MTUS2: variants seen among roughly 807,000 people sequenced by gnomAD.
MTUS2 encodes microtubule associated scaffold protein 2.
Under a neutral mutation model 114.1 loss-of-function variants are expected in MTUS2, and 40 were observed. That is an observed-to-expected ratio of 0.35 (90% CI 0.27 to 0.46). The LOEUF (loss-of-function observed/expected upper bound fraction) is 0.46. Ranked by LOEUF, MTUS2 falls within the 20% of genes least tolerant of loss-of-function variation. The probability of loss-of-function intolerance (pLI) is 1.00; values close to 1 mark genes in which losing one functional copy is unlikely to be tolerated. For missense variants in MTUS2, 1,679 were observed against 1,705.4 expected, an observed-to-expected ratio of 0.98 and a Z score of 0.27; for synonymous variants, 688 against 672.0, an observed-to-expected ratio of 1.02 and a Z score of -0.37.
chr13:29,249,748 C>T (rs1464903375), intron 5 of MTUS2, among the ~76,000 whole-genome samples: 1 of 151,974 alleles, frequency 6.6e-6, no homozygotes, highest in African/African-American at 2.4e-5. Context: ...TCTCCCATTC[C>T]GGTAGGTTGC....
intron 8 of MTUS2, among the ~76,000 whole-genome samples, chr13:29,419,128 T>A (rs142174021): frequency 1.3e-5 from 2 of 152,338 alleles, no homozygotes; most frequent in East Asian, 3.9e-4. Context: ...GATTTCTGCC[T>A]GTATAAATTA....
At chr13:28,856,698 C>T (rs904299432) in intron 2 of MTUS2, among the ~76,000 whole-genome samples, 8 of 152,270 alleles carry the variant, frequency 5.3e-5, no homozygotes, top group East Asian at 1.9e-4. Context: ...TGTGCATTTA[C>T]GGCTGGCTAG....
intron 2 of MTUS2, among the ~76,000 whole-genome samples, chr13:28,971,140 T>C (rs550125152): frequency 6.6e-6 from 1 of 152,322 alleles, no homozygotes; most frequent in East Asian, 1.9e-4. Context: ...TTGGGATTTT[T>C]CAAATACTAT....
intron 2 of MTUS2, among the ~76,000 whole-genome samples, chr13:28,959,396 C>CATACCCCTTCCATGGTTCAGTGG (rs1379528105): frequency 6.6e-5 from 10 of 152,166 alleles, no homozygotes; most frequent in African/African-American, 2.2e-4. Context: ...AATGAGGTCG[C>CATACCCCTTCCATGGTTCAGTGG]ATACCCCTTC....
intron 5 of MTUS2, among the ~76,000 whole-genome samples, chr13:29,197,646 C>T (rs1894758853): frequency 6.6e-6 from 1 of 152,164 alleles, no homozygotes; most frequent in Non-Finnish European, 1.5e-5. Flanking sequence ...CACTGTTCCA[C>T]AATAGTTGAA....
intron 6 of MTUS2, among the ~76,000 whole-genome samples, chr13:29,306,035 C>T (rs1282909385): frequency 1.3e-5 from 2 of 152,096 alleles, no homozygotes; most frequent in Non-Finnish European, 1.5e-5. Flanking sequence ...AAGACAAAAC[C>T]CTCATGATTA....
chr13:29,419,200 C>T (rs1434509053), intron 8 of MTUS2, among the ~76,000 whole-genome samples: 2 of 152,168 alleles, frequency 1.3e-5, no homozygotes, highest in Non-Finnish European at 2.9e-5. Flanking sequence ...CATTGTACCT[C>T]ATCTTTAGGC....
At chr13:29,095,924 T>C (rs9506101) in intron 4 of MTUS2, among the ~76,000 whole-genome samples, 102,025 of 151,842 alleles carry the variant, frequency 0.67, 34,995 homozygotes, top group Non-Finnish European at 0.74. Context: ...TTATTATATT[T>C]ATAATAGCTC....
chr13:29,125,628 A>G (rs1291934623), intron 5 of MTUS2, among the ~76,000 whole-genome samples: 1 of 151,572 alleles, frequency 6.6e-6, no homozygotes, highest in Non-Finnish European at 1.5e-5. Context: ...AGGTTTTTCA[A>G]GAGCCCAGAG....
chr13:29,417,831 A>C (rs1292408301), intron 8 of MTUS2, among the ~76,000 whole-genome samples: 1 of 151,878 alleles, frequency 6.6e-6, no homozygotes, highest in Non-Finnish European at 1.5e-5. Flanking sequence ...GATGTGTTGG[A>C]TCTTATTTTC....
At chr13:29,455,442 A>G (rs1879033464) in intron 9 of MTUS2, among the ~76,000 whole-genome samples, 6 of 152,194 alleles carry the variant, frequency 3.9e-5, no homozygotes, top group Admixed American at 3.3e-4. Context: ...GCCAGTCTGT[A>G]GAATGACCAT....
chr13:29,340,076 G>A (rs982957544), intron 7 of MTUS2, among the ~76,000 whole-genome samples: 34 of 152,360 alleles, frequency 2.2e-4, no homozygotes, highest in African/African-American at 7.9e-4. Context: ...GCAAAGCATC[G>A]CAAGCTGGCA....
At chr13:29,435,560 A>C (rs541998442) in intron 8 of MTUS2, among the ~76,000 whole-genome samples, 1 of 152,288 alleles carries the variant, frequency 6.6e-6, no homozygotes, top group East Asian at 1.9e-4. Flanking sequence ...ATCACACTGG[A>C]TTCTGTTGAA....
At chr13:28,965,901 A>G (rs141431457) in intron 2 of MTUS2, among the ~76,000 whole-genome samples, 25 of 152,306 alleles carry the variant, frequency 1.6e-4, no homozygotes, top group African/African-American at 5.5e-4. Flanking sequence ...TGTTAATCAC[A>G]TCTAAAAAAA....
intron 2 of MTUS2, among the ~76,000 whole-genome samples, chr13:28,976,855 C>T (rs529995889): frequency 1.3e-5 from 2 of 152,262 alleles, no homozygotes; most frequent in East Asian, 3.9e-4. Context: ...ACAAAATAAT[C>T]TGCATGCTAT....
intron 2 of MTUS2, among the ~76,000 whole-genome samples, chr13:28,989,807 A>G (rs1212499888): frequency 6.6e-6 from 1 of 151,450 alleles, no homozygotes; most frequent in Non-Finnish European, 1.5e-5. Flanking sequence ...AGGGTGTCTC[A>G]TTCTCTAACA....
rs544868269 is a variant in MTUS2, at chr13:29,336,012, G to C, written c.2905+11301G>C. Among the ~76,000 whole-genome samples the C allele has an allele frequency of 1.6e-3, 248 of 152,208 alleles. 2 individuals are homozygous for C. Among genetic ancestry groups the C allele is most frequent in the African/African-American group, 5.8e-3 (239 of 41,528 alleles). On this transcript the variant is annotated intron_variant, in intron 7 of 15. Transcript: ENST00000612955. ...AACTTGTGTGTTTCATGAAGTTCTT[G>C]TGCTGTATTTTTCAGCTCCGTCAGG... is the stretch of plus-strand genomic sequence containing the variant.
intron 1 of MTUS2, among the ~76,000 whole-genome samples, chr13:28,822,899 A>T (rs554919059): frequency 2.6e-5 from 4 of 152,226 alleles, no homozygotes; most frequent in Non-Finnish European, 5.9e-5. Context: ...TTGCTGAGAA[A>T]ATGCAAACTG....
At chr13:29,417,796 C>A (rs921659965) in intron 8 of MTUS2, among the ~76,000 whole-genome samples, 4 of 152,006 alleles carry the variant, frequency 2.6e-5, no homozygotes, top group African/African-American at 9.7e-5. Flanking sequence ...TGGCTATTTT[C>A]TTGGAAAAAA....
Sources: allele counts gnomAD v4.1 joint callset (sites outside exome capture counted in the v4.1 genomes callset), GRCh38; gene constraint gnomAD v4.1.1; transcripts MANE v1.5; gene names NCBI Gene and HGNC (gene_info 2026-07-23, HGNC 2026-07-21).